ROBO1: variants seen among roughly 807,000 people sequenced by gnomAD.
ROBO1 encodes roundabout homolog 1.
A neutral mutation model predicts 195.9 loss-of-function variants in ROBO1; 149 were observed. That is an observed-to-expected ratio of 0.76 (90% CI 0.67 to 0.87). The LOEUF (loss-of-function observed/expected upper bound fraction) is 0.87. Ranked by LOEUF, ROBO1 falls within the 40% of genes least tolerant of loss-of-function variation. The probability of loss-of-function intolerance (pLI) is 0.00; values close to 1 mark genes in which losing one functional copy is unlikely to be tolerated. For missense variants in ROBO1, 1,933 were observed against 2,068.3 expected (o/e 0.93, Z 1.27); for synonymous variants, 816 against 733.2 (o/e 1.11, Z -1.82).
At chr3:78,627,954 CTT>C (rs11445603) in intron 25 of ROBO1, among the ~76,000 whole-genome samples, 52 of 143,386 alleles carry the variant, frequency 3.6e-4, no homozygotes, top group Admixed American at 7.0e-4. Flanking sequence ...AAAAATTACT[CTT>C]TTTTTTTTTT....
chr3:79,563,431 T>C (rs1485934689), intron 2 of ROBO1, among the ~76,000 whole-genome samples: 1 of 152,146 alleles, frequency 6.6e-6, no homozygotes, highest in African/African-American at 2.4e-5. Context: ...TCCTTTGGTA[T>C]TGAACAGTCA....
intron 2 of ROBO1, among the ~76,000 whole-genome samples, chr3:79,144,070 T>A (rs562704011): frequency 6.6e-6 from 1 of 152,064 alleles, no homozygotes; most frequent in Non-Finnish European, 1.5e-5. Context: ...AGTTCCATGA[T>A]ATGGATGTAC....
In ROBO1 at chr3:78,598,733, AAAC is replaced by A. The variant is rs1488086428; in HGVS notation, c.*177_*179del. The A allele has an allele frequency of 3.9e-5, 17 of 431,536 alleles. No homozygotes were observed. In the Admixed American group the frequency reaches 4.8e-4, roughly 12 times the overall value. The allele number at this position is 431,536 out of a possible 1,614,324, so 26.7% of individuals were successfully genotyped here. ...AAGGCTCTTTGTAGGGTTAGGGATC[AAAC>A]AACAACAATAAAAACCCAATAAAGT... On this transcript the variant is annotated 3_prime_UTR_variant, in exon 31 of 31. Coordinates refer to ENST00000464233, the MANE Select transcript of ROBO1 (RefSeq NM_002941.4).
chr3:79,665,461 G>GA (rs1476415674), intron 1 of ROBO1, among the ~76,000 whole-genome samples: 1 of 151,576 alleles, frequency 6.6e-6, no homozygotes, highest in African/African-American at 2.4e-5. Context: ...AGATATATTA[G>GA]AAAAAATATT....
At chr3:79,182,894 A>G (rs2081368966) in intron 2 of ROBO1, among the ~76,000 whole-genome samples, 1 of 151,912 alleles carries the variant, frequency 6.6e-6, no homozygotes, top group Non-Finnish European at 1.5e-5. Context: ...CATCTTGGCC[A>G]ACATGGTGAA....
intron 26 of ROBO1, among the ~76,000 whole-genome samples, chr3:78,624,927 GC>G (rs768206483): frequency 6.6e-6 from 1 of 152,092 alleles, no homozygotes; most frequent in Non-Finnish European, 1.5e-5. Flanking sequence ...TGAGTTTCAG[GC>G]AAATTTAGGA....
chr3:79,759,266 T>C (rs1248434774), intron 1 of ROBO1, among the ~76,000 whole-genome samples: 1 of 152,250 alleles, frequency 6.6e-6, no homozygotes. Flanking sequence ...TACAATATGA[T>C]GGAATAATTT....
At chr3:78,680,088 T>C (rs1054523410) in intron 10 of ROBO1, among the ~76,000 whole-genome samples, 1 of 152,158 alleles carries the variant, frequency 6.6e-6, no homozygotes, top group Non-Finnish European at 1.5e-5. Flanking sequence ...GGGAAAGGAT[T>C]CCCTATTTAA....
At chr3:79,264,576 T>C (rs1320299442) in intron 2 of ROBO1, among the ~76,000 whole-genome samples, 2 of 151,914 alleles carry the variant, frequency 1.3e-5, no homozygotes, top group Non-Finnish European at 2.9e-5. Flanking sequence ...CCCATACCTA[T>C]TGTCATGCTT....
At chr3:79,595,739 T>G (rs905815400) in intron 1 of ROBO1, among the ~76,000 whole-genome samples, 37 of 150,468 alleles carry the variant, frequency 2.5e-4, no homozygotes, top group South Asian at 2.3e-3. Flanking sequence ...TTTTTTTTTT[T>G]GTCGATATAG....
intron 3 of ROBO1, among the ~76,000 whole-genome samples, chr3:79,012,295 C>T (rs989084608): frequency 2.6e-5 from 4 of 152,218 alleles, no homozygotes; most frequent in African/African-American, 9.6e-5. Context: ...TATATTCCCA[C>T]TTAACACAGA....
chr3:78,614,760 T>C lies in ROBO1; in HGVS notation c.4323A>G (p.Thr1441=). 1 of 1,612,932 alleles carries C rather than the reference T, an allele frequency of 6.2e-7. No homozygotes were observed. The highest frequency in any genetic ancestry group is 8.5e-7 in the Non-Finnish European group (1 of 1,179,688). The change falls in exon 28 of 31, where the codon ACA becomes ACG. Residue 1441 remains threonine, a synonymous_variant. Coordinates refer to ENST00000464233, the MANE Select transcript of ROBO1 (RefSeq NM_002941.4). ...HFHASQCPRP[T]SPVSTDSNMS... ...TGTTGCTGTCTGTAGACACGGGACT[T>C]GTGGGCCTAGGGCACTGAGACGCAT...
chr3:78,681,877 CG>C (rs1407168117), intron 10 of ROBO1, among the ~76,000 whole-genome samples: 1 of 151,934 alleles, frequency 6.6e-6, no homozygotes, highest in African/African-American at 2.4e-5. Flanking sequence ...ACTCCAGCCT[CG>C]GCGACTCAGT....
chr3:78,827,075 T>C (rs936830942), intron 4 of ROBO1, among the ~76,000 whole-genome samples: 5 of 152,286 alleles, frequency 3.3e-5, no homozygotes, highest in Admixed American at 1.3e-4. Context: ...TCCTCAAATA[T>C]AATTATAAAT....
At chr3:79,731,210 A>C (rs1703134958) in intron 1 of ROBO1, among the ~76,000 whole-genome samples, 1 of 152,172 alleles carries the variant, frequency 6.6e-6, no homozygotes, top group South Asian at 2.1e-4. Flanking sequence ...ATTTTTAAAA[A>C]GTGTGTGTGT....
chr3:79,407,414 G>A (rs1284923498), intron 2 of ROBO1, among the ~76,000 whole-genome samples: 2 of 151,950 alleles, frequency 1.3e-5, no homozygotes, highest in African/African-American at 2.4e-5. Flanking sequence ...CTCTTTAAAC[G>A]TTGTGAAAAA....
intron 2 of ROBO1, among the ~76,000 whole-genome samples, chr3:79,180,779 G>A (rs888314574): frequency 6.6e-6 from 1 of 152,148 alleles, no homozygotes; most frequent in African/African-American, 2.4e-5. Context: ...TGGGCCCTAA[G>A]TTGGTCTGAG....
chr3:79,762,585 C>A (rs1377276278), intron 1 of ROBO1, among the ~76,000 whole-genome samples: 1 of 132,960 alleles, frequency 7.5e-6, no homozygotes, highest in South Asian at 2.5e-4. Flanking sequence ...AAAGTGAGAA[C>A]CATTTGGGGC....
intron 2 of ROBO1, among the ~76,000 whole-genome samples, chr3:79,154,840 T>G (rs780960237): frequency 3.3e-5 from 5 of 151,858 alleles, no homozygotes; most frequent in South Asian, 2.1e-4. Context: ...TGAGCACTTA[T>G]GTTAGGGCGG....
Sources: allele counts gnomAD v4.1 joint callset (sites outside exome capture counted in the v4.1 genomes callset), GRCh38; gene constraint gnomAD v4.1.1; transcripts MANE v1.5; gene names NCBI Gene and HGNC (gene_info 2026-07-23, HGNC 2026-07-21).